Variants in SLC43A1 observed in about 807,000 individuals in gnomAD.
SLC43A1 encodes the protein solute carrier family 43 member 1, also known as large neutral amino acids transporter small subunit 3.
SLC43A1 carries 31 observed loss-of-function variants against 59.5 expected under a neutral mutation model. The observed-to-expected ratio is 0.52, with a 90% CI of 0.39 to 0.70. The LOEUF is 0.70. Ranked by LOEUF, SLC43A1 falls within the 30% of genes least tolerant of loss-of-function variation. The pLI is 0.00. For missense variants in SLC43A1, 598 were observed against 717.8 expected, an observed-to-expected ratio of 0.83 and a Z score of 1.91; for synonymous variants, 259 against 290.9, an observed-to-expected ratio of 0.89 and a Z score of 1.12.
chr11:57,506,012 T>C (rs1458466661), intron 2 of SLC43A1, among the ~76,000 whole-genome samples: 1 of 152,208 alleles, frequency 6.6e-6, no homozygotes, highest in African/African-American at 2.4e-5. Flanking sequence ...AACCCCATGA[T>C]GCTTCCCTTT....
chr11:57,497,434 A>G (rs1944119611), intron 6 of SLC43A1, among the ~76,000 whole-genome samples: 1 of 152,244 alleles, frequency 6.6e-6, no homozygotes, highest in East Asian at 1.9e-4. Flanking sequence ...CCTTGAACGC[A>G]TGTGAAGGGG....
intron 2 of SLC43A1, among the ~76,000 whole-genome samples, chr11:57,512,937 G>A (rs916266205): frequency 6.6e-6 from 1 of 152,108 alleles, no homozygotes; most frequent in African/African-American, 2.4e-5. Context: ...ACCCCTCAAG[G>A]AATCGGTTTT....
rs1441774649 is a variant in SLC43A1 at position 57,487,110 on chromosome 11, T to G, written c.1518A>C (p.Lys506Asn). Residue 506 changes from lysine (K) to asparagine (N), a missense_variant, in exon 14 of 15, where the codon AAA becomes AAC. Transcript: ENST00000278426. The part of the protein sequence containing the change: ...PLFMAMVGPL[K>N]GEPFWVNLGL... ...TCGCTCTCACCCAGAAGGGCTCTCC[T>G]TTCAGGGGTCCCACCATCGCCATGA... The G allele has an allele frequency of 6.2e-7, 1 of 1,613,944 alleles. No individual in the cohort carries two copies.
At chr11:57,492,196 T>A (rs1479205724) in intron 8 of SLC43A1, among the ~76,000 whole-genome samples, 2 of 146,072 alleles carry the variant, frequency 1.4e-5, no homozygotes, top group African/African-American at 2.5e-5. Flanking sequence ...AGCAAGACCC[T>A]ATCTCTAAAA....
chr11:57,507,541 G>T (rs1177225206), intron 2 of SLC43A1, among the ~76,000 whole-genome samples: 5 of 152,208 alleles, frequency 3.3e-5, no homozygotes, highest in Non-Finnish European at 7.3e-5. Context: ...TACTTAGGGG[G>T]ATGAGACATG....
In SLC43A1 at chr11:57,487,040, C is replaced by A. The variant is rs1322028259; in HGVS notation, c.1533+55G>T. The A allele has an allele frequency of 3.1e-6, 5 of 1,592,666 alleles. No individual in the cohort carries two copies. The Admixed American group carries it at 5.0e-5, about 16-fold the overall frequency. On this transcript the variant is annotated intron_variant, in intron 14 of 14. Coordinates refer to ENST00000278426, the MANE Select transcript of SLC43A1 (RefSeq NM_003627.6). ...GGATGGCACCACATACAAGGCCCTA[C>A]CCCTGCCCCCAGGAGAGTGGCTCCT... is the stretch of plus-strand genomic sequence containing the variant.
Position 57,487,140 on chromosome 11 carries a change from TGG to T in SLC43A1, c.1486_1487del (p.Pro496ThrfsTer57), listed in dbSNP as rs769439329. On this transcript the variant is annotated frameshift_variant, in exon 14 of 15. Coordinates refer to ENST00000278426, the MANE Select transcript of SLC43A1 (RefSeq NM_003627.6). LOFTEE classifies it low-confidence loss of function (END_TRUNC). The part of the protein sequence containing the change: ...ISAVFALLQQ[P>X]LFMAMVGPLK... The stretch of plus-strand genomic sequence containing the variant: ...GGGGTCCCACCATCGCCATGAAAAG[TGG>T]CTGCTGAAGCAAGGCGAACACAGCA... 1 of 1,613,818 alleles carries T rather than the reference TGG, an allele frequency of 6.2e-7. No individual in the cohort carries two copies. Among genetic ancestry groups the T allele is most frequent in the African/African-American group, 1.3e-5 (1 of 74,856 alleles).
intron 2 of SLC43A1, among the ~76,000 whole-genome samples, chr11:57,507,681 C>G (rs1000780207): frequency 2.6e-5 from 4 of 152,106 alleles, no homozygotes; most frequent in Non-Finnish European, 5.9e-5. Context: ...ATGAGTTCCT[C>G]ATTTGTTGAG....
chr11:57,488,666 C>T (rs181544676), intron 13 of SLC43A1, among the ~76,000 whole-genome samples: 11 of 152,240 alleles, frequency 7.2e-5, no homozygotes, highest in Admixed American at 7.2e-4. Context: ...TTCTGGGGGC[C>T]GTTTCAAACA....
intron 8 of SLC43A1, among the ~76,000 whole-genome samples, chr11:57,492,485 ATAATATAATAT>A (rs1220605851): frequency 8.4e-5 from 11 of 131,488 alleles, no homozygotes; most frequent in African/African-American, 3.2e-4. Flanking sequence ...TATATAAAAA[ATAATATAATAT>A]ATAATATAAT....
intron 2 of SLC43A1, among the ~76,000 whole-genome samples, chr11:57,512,394 C>G (rs1944570616): frequency 6.6e-6 from 1 of 152,022 alleles, no homozygotes; most frequent in Non-Finnish European, 1.5e-5. Flanking sequence ...GTGTTCGAGA[C>G]CAGCCTGGCC....
intron 2 of SLC43A1, among the ~76,000 whole-genome samples, chr11:57,505,667 A>AT (rs530955484): frequency 9.9e-5 from 15 of 151,614 alleles, no homozygotes; most frequent in South Asian, 2.1e-4. Flanking sequence ...GAATGAAGCT[A>AT]TTTTTTTTTA....
intron 5 of SLC43A1, among the ~76,000 whole-genome samples, chr11:57,499,941 G>A (rs935048661): frequency 6.6e-6 from 1 of 152,196 alleles, no homozygotes; most frequent in African/African-American, 2.4e-5. Flanking sequence ...TTCCTTTAGA[G>A]CTGTGAAATG....
Position 57,498,709 on chromosome 11 carries a change from G to A in SLC43A1, c.466-864C>T, listed in dbSNP as rs528085215. 3.3e-5 allele frequency among the ~76,000 whole-genome samples: 5 copies of A among 152,290 alleles called. No individual in the cohort carries two copies. In the East Asian group the frequency reaches 9.7e-4, roughly 29 times the overall value. On this transcript the variant is annotated intron_variant, in intron 5 of 14. Transcript: ENST00000278426. The stretch of plus-strand genomic sequence containing the variant: ...GGACAAATCACATCCTGGGAGGTGA[G>A]GGTGGAAATAAGGGAGGGAACTGAG...
At chr11:57,497,444 G>T (rs1441663229) in intron 6 of SLC43A1, among the ~76,000 whole-genome samples, 1 of 152,246 alleles carries the variant, frequency 6.6e-6, no homozygotes, top group African/African-American at 2.4e-5. Context: ...ATGTGAAGGG[G>T]CTGGACTTGA....
rs748674580 is a variant in SLC43A1, at chr11:57,487,227, G to A, written c.1410-9C>T. The stretch of plus-strand genomic sequence containing the variant: ...AGTGGTTGGATGGGAACCTGTCCAC[G>A]AGACGGGGAGTATCAGGGGTGTGTG... On this transcript the variant is annotated splice_polypyrimidine_tract_variant and intron_variant, in intron 13 of 14. Coordinates refer to ENST00000278426, the MANE Select transcript of SLC43A1 (RefSeq NM_003627.6). 6.0e-5 allele frequency: 97 copies of A among 1,610,984 alleles called. No individual in the cohort carries two copies. The Middle Eastern group carries it at 6.8e-4, about 11-fold the overall frequency.
intron 2 of SLC43A1, among the ~76,000 whole-genome samples, chr11:57,511,696 A>G (rs1431931178): frequency 6.6e-6 from 1 of 152,226 alleles, no homozygotes; most frequent in Non-Finnish European, 1.5e-5. Context: ...GATCCATACA[A>G]TGGAGTATTT....
rs1172507640 is a variant in SLC43A1, at chr11:57,513,989, C to A, written c.123G>T (p.Lys41Asn). Residue 41 changes from lysine (K) to asparagine (N), a missense_variant, in exon 2 of 15, where the codon AAG (lysine) becomes AAT (asparagine). By Grantham distance (94) the Lys-to-Asn change is moderately conservative. Coordinates refer to ENST00000278426, the MANE Select transcript of SLC43A1 (RefSeq NM_003627.6). ...ACGTGCTGGAATAGAAGCCCTCGTTCTTCAGAATGATCAACAGGGAGCCCC... is the reference window on the plus strand; with the variant it reads ...ACGTGCTGGAATAGAAGCCCTCGTTATTCAGAATGATCAACAGGGAGCCCC... ...LGWGSLLIIL[K>N]NEGFYSSTCP... 1 of 1,413,694 alleles carries A rather than the reference C, an allele frequency of 7.1e-7. No homozygotes were observed. The highest frequency in any genetic ancestry group is 9.5e-7 in the Non-Finnish European group (1 of 1,055,752). 87.6% of individuals were successfully genotyped at this position (1,413,694 alleles called of 1,614,324 possible).
rs1943828719 is a variant in SLC43A1, at chr11:57,489,170, C to G, written c.1335+81G>C. ...AGATCAGAAGACCAGAACTGCGCTT[C>G]CTGGAAGGCAGGTGCTGGATGGACC... On this transcript the variant is annotated intron_variant, in intron 12 of 14. Transcript: ENST00000278426. The G allele has an allele frequency of 5.1e-6, 8 of 1,554,322 alleles. No homozygotes were observed. In the Admixed American group the frequency reaches 1.4e-4, roughly 26 times the overall value.
Sources: allele counts gnomAD v4.1 joint callset (sites outside exome capture counted in the v4.1 genomes callset), GRCh38; gene constraint gnomAD v4.1.1; transcripts MANE v1.5; gene names NCBI Gene and HGNC (gene_info 2026-07-23, HGNC 2026-07-21).